The following ROBO1 variants were observed in gnomAD, a reference collection of about 807,000 sequenced individuals.
ROBO1 encodes the protein roundabout homolog 1.
Under a neutral mutation model 195.9 loss-of-function variants are expected in ROBO1, and 149 were observed. The ratio of observed to expected loss-of-function variants is 0.76; its 90% CI spans 0.67 to 0.87. The LOEUF is 0.87. Among genes scored for constraint, ROBO1 ranks in the 40% least tolerant of loss-of-function variants. The probability of loss-of-function intolerance (pLI) is 0.00; values close to 1 mark genes in which losing one functional copy is unlikely to be tolerated. For synonymous variants in ROBO1, 816 were observed against 733.2 expected (o/e 1.11, Z -1.82); for missense variants, 1,933 against 2,068.3 (o/e 0.93, Z 1.27).
At chr3:78,773,015 A>G (rs937719822) in intron 4 of ROBO1, among the ~76,000 whole-genome samples, 24 of 152,134 alleles carry the variant, frequency 1.6e-4, no homozygotes, top group Non-Finnish European at 7.4e-5. Context: ...ATAGTACCAC[A>G]TAATAATATT....
At chr3:79,296,412 T>C (rs1465552382) in intron 2 of ROBO1, among the ~76,000 whole-genome samples, 1 of 152,164 alleles carries the variant, frequency 6.6e-6, no homozygotes, top group Non-Finnish European at 1.5e-5. Flanking sequence ...TAATATTCTA[T>C]GTGTAGACTC....
chr3:79,300,562 T>C (rs996329759), intron 2 of ROBO1, among the ~76,000 whole-genome samples: 5 of 152,132 alleles, frequency 3.3e-5, no homozygotes, highest in Non-Finnish European at 7.4e-5. Flanking sequence ...CCCCGCTCCA[T>C]GGCGCCCAGT....
At chr3:78,974,259 T>G (rs990404468) in intron 3 of ROBO1, among the ~76,000 whole-genome samples, 3 of 152,096 alleles carry the variant, frequency 2.0e-5, no homozygotes, top group Admixed American at 2.0e-4. Context: ...TGAATATGTT[T>G]CAACAATGTC....
intron 4 of ROBO1, among the ~76,000 whole-genome samples, chr3:78,757,230 T>C (rs2082956987): frequency 6.6e-6 from 1 of 152,110 alleles, no homozygotes; most frequent in African/African-American, 2.4e-5. Context: ...CCTTCCCTAC[T>C]TCCACTCCCA....
At chr3:78,758,021 T>G (rs113395803) in intron 4 of ROBO1, among the ~76,000 whole-genome samples, 76 of 152,276 alleles carry the variant, frequency 5.0e-4, no homozygotes, top group African/African-American at 1.5e-3. Context: ...AGCTGTGTTT[T>G]CCTAACAAAC....
intron 4 of ROBO1, among the ~76,000 whole-genome samples, chr3:78,916,875 C>G (rs2038631586): frequency 6.6e-6 from 1 of 152,118 alleles, no homozygotes; most frequent in Non-Finnish European, 1.5e-5. Context: ...TGGCTAAAAA[C>G]TGTCATAACC....
intron 1 of ROBO1, among the ~76,000 whole-genome samples, chr3:79,627,480 C>T (rs1945213265): frequency 6.6e-6 from 1 of 152,112 alleles, no homozygotes. Flanking sequence ...CCCTCCCTTA[C>T]ATCTTATACA....
intron 2 of ROBO1, among the ~76,000 whole-genome samples, chr3:79,196,790 A>C (rs1176877103): frequency 6.6e-6 from 1 of 151,720 alleles, no homozygotes; most frequent in African/African-American, 2.4e-5. Flanking sequence ...GCTCCAGGTT[A>C]ACCCTTTATC....
intron 1 of ROBO1, among the ~76,000 whole-genome samples, chr3:79,665,962 C>CA (rs1560082622): frequency 6.6e-6 from 1 of 150,730 alleles, no homozygotes; most frequent in Non-Finnish European, 1.5e-5. Flanking sequence ...TTTTAAACAT[C>CA]AAAAAAAGGA....
chr3:79,763,873 A>T (rs1369269662), intron 1 of ROBO1, among the ~76,000 whole-genome samples: 1 of 152,220 alleles, frequency 6.6e-6, no homozygotes, highest in Non-Finnish European at 1.5e-5. Context: ...GAGTACTAAA[A>T]TAAAATTCAA....
intron 2 of ROBO1, among the ~76,000 whole-genome samples, chr3:79,344,937 C>T (rs1311623921): frequency 1.3e-5 from 2 of 152,090 alleles, no homozygotes; most frequent in African/African-American, 4.8e-5. Flanking sequence ...TCTCCTGCTG[C>T]CATGTGAAGA....
At chr3:78,910,114 C>A (rs1052101289) in intron 4 of ROBO1, among the ~76,000 whole-genome samples, 15 of 151,610 alleles carry the variant, frequency 9.9e-5, no homozygotes, top group Admixed American at 4.6e-4. Context: ...TAAAGGATTT[C>A]TTTATTTTGA....
At chr3:78,633,318 C>G (rs911458127) in intron 24 of ROBO1, among the ~76,000 whole-genome samples, 4 of 152,138 alleles carry the variant, frequency 2.6e-5, no homozygotes, top group African/African-American at 9.7e-5. Flanking sequence ...TCTGCAGCCC[C>G]TATCAGGAAA....
chr3:79,426,289 C>G (rs1334010427), intron 2 of ROBO1, among the ~76,000 whole-genome samples: 1 of 152,046 alleles, frequency 6.6e-6, no homozygotes, highest in Non-Finnish European at 1.5e-5. Flanking sequence ...TACGCAAGTC[C>G]AGGTCCCTTA....
At chr3:79,584,646 TACACAC>T (rs368909952) in intron 2 of ROBO1, among the ~76,000 whole-genome samples, 1 of 141,580 alleles carries the variant, frequency 7.1e-6, no homozygotes, top group African/African-American at 2.7e-5. Flanking sequence ...TGTATGTTCA[TACACAC>T]ACACACACAT....
chr3:78,942,911 C>T (rs2107711023), intron 3 of ROBO1, among the ~76,000 whole-genome samples: 1 of 152,058 alleles, frequency 6.6e-6, no homozygotes, highest in South Asian at 2.1e-4. Context: ...GACCCCATCT[C>T]TAAAAAGTTT....
intron 2 of ROBO1, among the ~76,000 whole-genome samples, chr3:79,435,062 G>A (rs932244423): frequency 2.2e-4 from 33 of 152,024 alleles, no homozygotes; most frequent in African/African-American, 6.8e-4. Flanking sequence ...AGGGCCTGTC[G>A]TGGGGTTGGG....
intron 2 of ROBO1, among the ~76,000 whole-genome samples, chr3:79,457,772 T>C (rs2039668634): frequency 2.0e-5 from 3 of 152,162 alleles, no homozygotes; most frequent in South Asian, 2.1e-4. Context: ...TCCACCATGA[T>C]TGTGAGGCCT....
At position 79,324,794 on chromosome 3, in the gene ROBO1, A is replaced by G. The variant is rs1298141006; in HGVS notation, c.89-199255T>C. Among the ~76,000 whole-genome samples the G allele has an allele frequency of 2.6e-5, 4 of 152,226 alleles. No homozygotes were observed. The East Asian group carries it at 7.7e-4, about 29-fold the overall frequency. Reference sequence around the variant, plus strand: ...ACATGAGAATGTCAACCATTGTTCAATAGGACTCCACATGGTTTAAACAAA... The same window carrying G: ...ACATGAGAATGTCAACCATTGTTCAGTAGGACTCCACATGGTTTAAACAAA... On this transcript the variant is annotated intron_variant, in intron 2 of 30. Coordinates refer to ENST00000464233, the MANE Select transcript of ROBO1 (RefSeq NM_002941.4).
Sources: allele counts gnomAD v4.1 joint callset (sites outside exome capture counted in the v4.1 genomes callset), GRCh38; gene constraint gnomAD v4.1.1; transcripts MANE v1.5; gene names NCBI Gene and HGNC (gene_info 2026-07-23, HGNC 2026-07-21).